The following ATPSCKMT variants were observed in gnomAD, a reference collection of about 807,000 sequenced individuals.
ATPSCKMT encodes ATP synthase subunit C lysine N-methyltransferase.
A neutral mutation model predicts 24.3 loss-of-function variants in ATPSCKMT; 24 were observed. The ratio of observed to expected loss-of-function variants is 0.99; its 90% CI spans 0.71 to 1.39. ATPSCKMT has a LOEUF of 1.39. Ranked by LOEUF, ATPSCKMT falls within the 40% of genes most tolerant of loss-of-function variation. ATPSCKMT has a pLI of 0.00. For synonymous variants in ATPSCKMT, 95 were observed against 110.5 expected, an observed-to-expected ratio of 0.86 and a Z score of 0.88; for missense variants, 311 against 298.4, an observed-to-expected ratio of 1.04 and a Z score of -0.31.
rs889922241 is a variant in ATPSCKMT, at chr5:10,225,939, T to G, written c.*1502A>C. Among the ~76,000 whole-genome samples the G allele has an allele frequency of 6.6e-6, 1 of 152,156 alleles. No homozygotes were observed. The highest frequency in any genetic ancestry group is 2.4e-5 in the African/African-American group (1 of 41,432). On this transcript the variant is annotated 3_prime_UTR_variant, in exon 5 of 5. Transcript: ENST00000511437. ...TACAGTGGAAGGCAACTGAGAGGCA[T>G]AGAGCAAGAGCTGCCCTCCCACTAA...
At chr5:10,230,543 T>C (rs1339618279) in intron 4 of ATPSCKMT, among the ~76,000 whole-genome samples, 1 of 152,202 alleles carries the variant, frequency 6.6e-6, no homozygotes, top group Non-Finnish European at 1.5e-5. Flanking sequence ...AAATATGCAA[T>C]GAATCTGGTG....
intron 4 of ATPSCKMT, among the ~76,000 whole-genome samples, chr5:10,230,998 T>C (rs1175746293): frequency 8.3e-6 from 1 of 120,080 alleles, no homozygotes; most frequent in African/African-American, 2.8e-5. Context: ...AGACTCCTTC[T>C]CACCCACCAC....
chr5:10,234,241 T>C (rs1398019156), intron 4 of ATPSCKMT, among the ~76,000 whole-genome samples: 1 of 152,022 alleles, frequency 6.6e-6, no homozygotes, highest in East Asian at 1.9e-4. Context: ...TGCAGGAGAA[T>C]TGCTTGAACC....
intron 1 of ATPSCKMT, among the ~76,000 whole-genome samples, chr5:10,249,134 G>A (rs898604467): frequency 3.3e-5 from 5 of 151,964 alleles, no homozygotes; most frequent in Non-Finnish European, 7.4e-5. Context: ...CGAGCGTGGT[G>A]GTTCTGTGCC....
In ATPSCKMT at chr5:10,226,635, T is replaced by G. The variant is rs1743889888; in HGVS notation, c.*806A>C. On this transcript the variant is annotated 3_prime_UTR_variant, in exon 5 of 5. Coordinates refer to ENST00000511437, the MANE Select transcript of ATPSCKMT (RefSeq NM_199133.4). The stretch of plus-strand genomic sequence containing the variant: ...AAAAAAGTGACTAGCAGAAATAATC[T>G]GCAACTTCTGTGAATAAGATTTTTC... 6.6e-6 allele frequency: 1 copy of G among 152,230 alleles called. No homozygotes were observed. Among genetic ancestry groups the G allele is most frequent in the Non-Finnish European group, 1.5e-5 (1 of 68,042 alleles). The allele number at this position is 152,230 out of a possible 1,614,324, so 9.4% of individuals were successfully genotyped here.
chr5:10,244,286 G>C (rs556591296), intron 1 of ATPSCKMT: 1 of 152,238 alleles, frequency 6.6e-6, no homozygotes, highest in East Asian at 1.9e-4. Context: ...TTGAAATATT[G>C]CAAGAATTAC....
At chr5:10,236,854 G>C in intron 2 of ATPSCKMT, 1 of 1,465,562 alleles carries the variant, frequency 6.8e-7, no homozygotes, top group Non-Finnish European at 9.1e-7. Context: ...TATCAGAATA[G>C]ACATTCAGGT....
rs1282751907 is a variant in ATPSCKMT, at chr5:10,226,630, T to C, written c.*811A>G. The stretch of plus-strand genomic sequence containing the variant: ...GAAATAAAAAAGTGACTAGCAGAAA[T>C]AATCTGCAACTTCTGTGAATAAGAT... On this transcript the variant is annotated 3_prime_UTR_variant, in exon 5 of 5. Transcript: ENST00000511437. The C allele has an allele frequency of 1.3e-5, 2 of 152,348 alleles. No homozygotes were observed. The highest frequency in any genetic ancestry group is 4.8e-5 in the African/African-American group (2 of 41,580). 9.4% of individuals were successfully genotyped at this position (152,348 alleles called of 1,614,324 possible).
Position 10,228,897 on chromosome 5 carries a change from T to A in ATPSCKMT, c.496-1250A>T, listed in dbSNP as rs562256524. Among the ~76,000 whole-genome samples the A allele has an allele frequency of 1.6e-4, 25 of 152,292 alleles. No individual in the cohort carries two copies. In the South Asian group the frequency reaches 4.6e-3, roughly 28 times the overall value. ...TGCCCACCTCAGCCTCTCAAAGTGTTGGGACTACAGGCGTGAGCCACTGCA... is the reference window on the plus strand; with the variant it reads ...TGCCCACCTCAGCCTCTCAAAGTGTAGGGACTACAGGCGTGAGCCACTGCA... On this transcript the variant is annotated intron_variant, in intron 4 of 4. Transcript: ENST00000511437.
At chr5:10,249,782 A>G in intron 1 of ATPSCKMT, 76 bp downstream of exon 1, 3 of 1,525,740 alleles carry the variant, frequency 2.0e-6, no homozygotes, top group Non-Finnish European at 2.6e-6. Flanking sequence ...TGGAGACCTC[A>G]GCTGACCGCG....
intron 1 of ATPSCKMT, among the ~76,000 whole-genome samples, chr5:10,247,145 G>T (rs537926808): frequency 6.6e-6 from 1 of 152,272 alleles, no homozygotes; most frequent in African/African-American, 2.4e-5. Context: ...GGCAACACAG[G>T]GGCAATGAGT....
intron 1 of ATPSCKMT, 69 bp downstream of exon 1, chr5:10,249,789 C>T: frequency 2.0e-6 from 3 of 1,527,726 alleles, no homozygotes; most frequent in Non-Finnish European, 2.6e-6. Flanking sequence ...CTCAGCTGAC[C>T]GCGAGCCCCC....
chr5:10,249,486 C>A, intron 1 of ATPSCKMT: 3 of 264,654 alleles, frequency 1.1e-5, no homozygotes, highest in East Asian at 6.6e-5. Flanking sequence ...ACAGGGAACC[C>A]GAGGGACAAA....
intron 1 of ATPSCKMT, among the ~76,000 whole-genome samples, chr5:10,240,977 C>G (rs2126454783): frequency 7.4e-6 from 1 of 134,954 alleles, no homozygotes; most frequent in South Asian, 2.3e-4. Context: ...GCCTGGGCAA[C>G]AAGAGTGAAA....
At chr5:10,228,762 C>A (rs1404292184) in intron 4 of ATPSCKMT, among the ~76,000 whole-genome samples, 3 of 152,008 alleles carry the variant, frequency 2.0e-5, no homozygotes, top group Non-Finnish European at 4.4e-5. Context: ...TCAATGCAAC[C>A]TCCGCCTCCT....
chr5:10,242,452 A>G (rs554262347), intron 1 of ATPSCKMT, among the ~76,000 whole-genome samples: 2 of 152,326 alleles, frequency 1.3e-5, no homozygotes, highest in South Asian at 4.1e-4. Flanking sequence ...GCAGCAACTC[A>G]GTCTCATCTT....
At chr5:10,228,200 T>C (rs1430392461) in intron 4 of ATPSCKMT, among the ~76,000 whole-genome samples, 1 of 152,130 alleles carries the variant, frequency 6.6e-6, no homozygotes, top group Admixed American at 6.5e-5. Flanking sequence ...ACAACACTAA[T>C]TGTCTTAGAA....
intron 1 of ATPSCKMT, among the ~76,000 whole-genome samples, chr5:10,239,791 T>C (rs1744540901): frequency 6.6e-6 from 1 of 152,202 alleles, no homozygotes; most frequent in African/African-American, 2.4e-5. Flanking sequence ...AATTAAAGGA[T>C]TCCACATCAA....
chr5:10,244,695 T>C lies in ATPSCKMT; in HGVS notation c.16+5163A>G, dbSNP rs141357469. Among the ~76,000 whole-genome samples, 495 of 152,186 alleles carry C rather than the reference T, an allele frequency of 3.3e-3. 3 individuals are homozygous for C. Among genetic ancestry groups the C allele is most frequent in the African/African-American group, 0.011 (448 of 41,524 alleles). ...GGAAGGCCGAGGCAGGAGGATTGCT[T>C]GAAGCCAGGAGTTCAAGAGCAGCCT... On this transcript the variant is annotated intron_variant, in intron 1 of 4. Transcript: ENST00000511437.
Sources: gnomAD v4.1 joint callset for allele counts (sites outside exome capture counted in the v4.1 genomes callset) on GRCh38, gnomAD v4.1.1 for gene constraint, MANE v1.5 for transcripts, NCBI Gene and HGNC (gene_info 2026-07-23, HGNC 2026-07-21) for gene names.